Variants in KIAA1217 observed in about 807,000 individuals in gnomAD.
KIAA1217 encodes the protein sickle tail protein homolog.
Under a neutral mutation model 163.9 loss-of-function variants are expected in KIAA1217, and 88 were observed. The ratio of observed to expected loss-of-function variants is 0.54; its 90% confidence interval spans 0.45 to 0.64. KIAA1217 has a LOEUF of 0.64. KIAA1217 is among the 30% of genes least tolerant of loss of function. KIAA1217 has a pLI of 0.00. For missense variants in KIAA1217, 2,372 were observed against 2,475.0 expected, an observed-to-expected ratio of 0.96 and a Z score of 0.88; for synonymous variants, 903 against 923.1, an observed-to-expected ratio of 0.98 and a Z score of 0.39.
chr10:23,869,597 G>A lies in KIAA1217; in HGVS notation c.-320-137628G>A, dbSNP rs186889154. Among the ~76,000 whole-genome samples, 21 of 152,186 alleles carry A rather than the reference G, an allele frequency of 1.4e-4. 1 individual carries two copies. The highest frequency in any genetic ancestry group is 7.9e-4 in the Admixed American group (12 of 15,266). On this transcript the variant is annotated intron_variant, in intron 1 of 18. Coordinates refer to the KIAA1217 transcript ENST00000376462. ...TTGCTACTAGAAATAAAGTCCTGAC[G>A]TTTGCAAACAACTTACAGTTGTAAC... is the stretch of plus-strand genomic sequence containing the variant.
chr10:24,197,480 G>A (rs1480764023), intron 2 of KIAA1217, among the ~76,000 whole-genome samples: 1 of 152,234 alleles, frequency 6.6e-6, no homozygotes, highest in Non-Finnish European at 1.5e-5. Flanking sequence ...TAGTTGGGTT[G>A]GGCCTATTTG....
rs1257058414 is a variant in KIAA1217 at position 24,519,773 on chromosome 10, C to A, written c.2178-350C>A. Among the ~76,000 whole-genome samples, 3 of 152,136 alleles carry A rather than the reference C, an allele frequency of 2.0e-5. No individual in the cohort carries two copies. The East Asian group carries it at 5.8e-4, about 29-fold the overall frequency. ...TCTCTCTCTCTTTCTCTCTTTCTCC[C>A]TCTCTCTCCTACCCCACCCTCCCAC... On this transcript the variant is annotated intron_variant, in intron 10 of 20. Coordinates refer to ENST00000376454, the MANE Select transcript of KIAA1217 (RefSeq NM_019590.5).
chr10:24,404,110 A>G (rs554228676), intron 3 of KIAA1217, among the ~76,000 whole-genome samples: 2 of 152,266 alleles, frequency 1.3e-5, no homozygotes, highest in Admixed American at 6.5e-5. Flanking sequence ...GGAGCACGCC[A>G]CCATGCCCAG....
intron 1 of KIAA1217, among the ~76,000 whole-genome samples, chr10:23,705,813 G>T (rs1836847773): frequency 6.6e-6 from 1 of 152,154 alleles, no homozygotes; most frequent in South Asian, 2.1e-4. Flanking sequence ...AGCTGGGGTT[G>T]TGGTAGGAAT....
chr10:24,387,782 C>T lies in KIAA1217; in HGVS notation c.553+6715C>T, dbSNP rs1252970991. Among the ~76,000 whole-genome samples, 7 of 152,014 alleles carry T rather than the reference C, an allele frequency of 4.6e-5. No homozygotes were observed. The East Asian group carries it at 5.8e-4, about 13-fold the overall frequency. On this transcript the variant is annotated intron_variant, in intron 3 of 20. Coordinates refer to ENST00000376454, the MANE Select transcript of KIAA1217 (RefSeq NM_019590.5). Reference sequence around the variant, plus strand: ...ATAACAGACAAACAGAGAGCCAAATCATGAGTGAACTCCCATTCACAATTG... The same window carrying T: ...ATAACAGACAAACAGAGAGCCAAATTATGAGTGAACTCCCATTCACAATTG...
intron 9 of KIAA1217, among the ~76,000 whole-genome samples, chr10:24,509,077 T>C (rs1273549231): frequency 1.3e-5 from 2 of 152,254 alleles, no homozygotes; most frequent in East Asian, 3.8e-4. Flanking sequence ...ATTTTAACTA[T>C]TGAAATGTAG....
chr10:23,867,848 T>C (rs1165306805), intron 1 of KIAA1217, among the ~76,000 whole-genome samples: 2 of 152,214 alleles, frequency 1.3e-5, no homozygotes, highest in African/African-American at 4.8e-5. Flanking sequence ...CAGAAGCTCT[T>C]TCATTTAATT....
chr10:24,464,147 G>T (rs1264794748), intron 5 of KIAA1217, among the ~76,000 whole-genome samples: 3 of 152,138 alleles, frequency 2.0e-5, no homozygotes, highest in Non-Finnish European at 4.4e-5. Flanking sequence ...GGTACTCTGG[G>T]GCCTTTGGAG....
intron 1 of KIAA1217, among the ~76,000 whole-genome samples, chr10:23,833,659 T>C (rs1054647245): frequency 1.3e-5 from 2 of 152,054 alleles, no homozygotes; most frequent in Non-Finnish European, 2.9e-5. Context: ...CTTCTGTCTC[T>C]AGTTTTGTAT....
intron 1 of KIAA1217, among the ~76,000 whole-genome samples, chr10:23,828,743 T>C (rs559893442): frequency 6.6e-6 from 1 of 152,170 alleles, no homozygotes; most frequent in Non-Finnish European, 1.5e-5. Flanking sequence ...TTTCTACAGA[T>C]TGTGTGGCTT....
rs554166666 is a variant in KIAA1217, at chr10:24,356,560, C to T, written c.355-24309C>T. 1.5e-3 allele frequency among the ~76,000 whole-genome samples: 227 copies of T among 152,258 alleles called. No individual in the cohort carries two copies. In the Middle Eastern group the frequency reaches 0.034, roughly 23 times the overall value. On this transcript the variant is annotated intron_variant, in intron 2 of 20. Transcript: ENST00000376454. ...AGTTCATGTGTTAGAAACTTAATCC[C>T]GAATGCAACAGTGTTGAGAGTTGGG...
intron 1 of KIAA1217, among the ~76,000 whole-genome samples, chr10:23,767,637 G>T (rs928483777): frequency 2.0e-5 from 3 of 152,116 alleles, no homozygotes; most frequent in Admixed American, 2.0e-4. Context: ...GAGGGGCGAG[G>T]TAATTGTGGA....
At chr10:24,162,841 C>T (rs2065179255) in intron 2 of KIAA1217, among the ~76,000 whole-genome samples, 1 of 152,174 alleles carries the variant, frequency 6.6e-6, no homozygotes, top group South Asian at 2.1e-4. Flanking sequence ...GACTCAGTTT[C>T]TTGCTGGCTG....
Position 24,423,734 on chromosome 10 carries a change from C to T in KIAA1217, c.554-9261C>T, listed in dbSNP as rs545345136. Among the ~76,000 whole-genome samples the T allele has an allele frequency of 8.5e-5, 13 of 152,250 alleles. No homozygotes were observed. The East Asian group carries it at 1.9e-3, about 23-fold the overall frequency. Reference sequence around the variant, plus strand: ...CAGTTTTAGTAGAAATAGGGTTTCACCGTGTTGCCCAGGTTGGTCTCAAAT... The same window carrying T: ...CAGTTTTAGTAGAAATAGGGTTTCATCGTGTTGCCCAGGTTGGTCTCAAAT... On this transcript the variant is annotated intron_variant, in intron 3 of 20. Coordinates refer to ENST00000376454, the MANE Select transcript of KIAA1217 (RefSeq NM_019590.5).
intron 1 of KIAA1217, among the ~76,000 whole-genome samples, chr10:23,744,051 C>T (rs1024849346): frequency 2.0e-5 from 3 of 152,104 alleles, no homozygotes; most frequent in Admixed American, 6.6e-5. Context: ...ACACATCCCA[C>T]GTAGAAGGGA....
chr10:23,792,940 GA>G (rs1389627524), intron 1 of KIAA1217, among the ~76,000 whole-genome samples: 1 of 151,510 alleles, frequency 6.6e-6, no homozygotes, highest in Non-Finnish European at 1.5e-5. Flanking sequence ...TGTTTAAATG[GA>G]GCCAGTGAGT....
intron 2 of KIAA1217, among the ~76,000 whole-genome samples, chr10:24,318,479 C>T (rs1223618896): frequency 6.6e-6 from 1 of 152,158 alleles, no homozygotes; most frequent in Non-Finnish European, 1.5e-5. Flanking sequence ...GGTCTCCATC[C>T]TGCTGACCTT....
In KIAA1217 at chr10:23,700,229, GCATTCAACC is replaced by G. The variant is rs566370743; in HGVS notation, c.-321+5000_-321+5008del. On this transcript the variant is annotated intron_variant, in intron 1 of 18. Coordinates refer to the KIAA1217 transcript ENST00000376462. The stretch of plus-strand genomic sequence containing the variant: ...CCTCGGAGTCATCCTCTTACAGAAA[GCATTCAACC>G]CATTAACCAATCCTGCAGCTAGGCC... Among the ~76,000 whole-genome samples the G allele has an allele frequency of 5.9e-5, 9 of 152,200 alleles. No homozygotes were observed. In the South Asian group the frequency reaches 1.9e-3, roughly 32 times the overall value.
At position 23,790,575 on chromosome 10, in the gene KIAA1217, A is replaced by G. The variant is rs1484590658; in HGVS notation, c.-321+95341A>G. ...TACATATGTACATATGTATATATAC[A>G]TATGTATATGTACATATATACATGT... On this transcript the variant is annotated intron_variant, in intron 1 of 18. Transcript: ENST00000376462. Among the ~76,000 whole-genome samples the G allele has an allele frequency of 1.6e-5, 2 of 123,556 alleles. 1 individual carries two copies. Among genetic ancestry groups the G allele is most frequent in the African/African-American group, 7.3e-5 (2 of 27,520 alleles). The allele number at this position is 123,556 out of a possible 152,430, so 81.1% of individuals were successfully genotyped here. A position where few individuals can be genotyped will look rare whatever the true frequency, so the allele number is the denominator to read the frequency against.
Sources: gnomAD v4.1 joint callset for allele counts (sites outside exome capture counted in the v4.1 genomes callset) on GRCh38, gnomAD v4.1.1 for gene constraint, MANE v1.5 for transcripts, NCBI Gene and HGNC (gene_info 2026-07-23, HGNC 2026-07-21) for gene names.